The following TRPV4 variants were observed in gnomAD, a reference collection of about 807,000 sequenced individuals.
The protein encoded by TRPV4 is transient receptor potential cation channel subfamily V member 4.
A neutral mutation model predicts 84.1 loss-of-function variants in TRPV4; 58 were observed. The ratio of observed to expected loss-of-function variants is 0.69; its 90% confidence interval spans 0.56 to 0.86. TRPV4 has a LOEUF of 0.86. TRPV4 is among the 40% of genes least tolerant of loss of function. The pLI is 0.00. For synonymous variants in TRPV4, 489 were observed against 500.9 expected, an observed-to-expected ratio of 0.98 and a Z score of 0.32; for missense variants, 879 against 1,181.1, an observed-to-expected ratio of 0.74 and a Z score of 3.75.
rs778014423 is a variant in TRPV4, at chr12:109,786,773, G to T, written c.2273C>A (p.Ser758Tyr). 6.2e-7 allele frequency: 1 copy of T among 1,614,022 alleles called. No individual in the cohort carries two copies. The highest frequency in any genetic ancestry group is 8.5e-7 in the Non-Finnish European group (1 of 1,180,024). Residue 758 changes from serine (S) to tyrosine (Y), a missense_variant, in exon 14 of 16, where the codon TCT becomes TAT. Coordinates refer to ENST00000261740, the MANE Select transcript of TRPV4 (RefSeq NM_021625.5). This position sits in a 1 kb window ranked among gnomAD's most constrained non-coding sequence, Gnocchi z 4.5. ...CTTGCCCACGGTGACCATCTCCCCA[G>T]AGCGGAAGGCCTTCCTCAGGAATAC... Reference protein sequence around the residue: ...FPVFLRKAFRSGEMVTVGKSS... With the variant: ...FPVFLRKAFRYGEMVTVGKSS...
At chr12:109,795,433 G>A (rs1890326285) in intron 7 of TRPV4, among the ~76,000 whole-genome samples, 1 of 152,226 alleles carries the variant, frequency 6.6e-6, no homozygotes, top group South Asian at 2.1e-4. Context: ...CCACAGGGCA[G>A]GGCTAGAAGG....
intron 12 of TRPV4, 21 bp downstream of exon 12, chr12:109,792,342 A>G: frequency 6.2e-7 from 1 of 1,610,152 alleles, no homozygotes; most frequent in Non-Finnish European, 8.5e-7. Flanking sequence ...TGCCAGGACC[A>G]CCTGAGCACC....
chr12:109,787,111 C>T lies in TRPV4; in HGVS notation c.2209-274G>A, dbSNP rs60258652. On this transcript the variant is annotated intron_variant, in intron 13 of 15. Transcript: ENST00000261740. ...CCTCTCAGTGAGGGAGGGGTAGAGA[C>T]TGGGGAGAACAGGGAGCAAATGCCC... is the stretch of plus-strand genomic sequence containing the variant. Among the ~76,000 whole-genome samples, 13,055 of 152,172 alleles carry T rather than the reference C, an allele frequency of 0.086. 776 individuals carry two copies. The highest frequency in any genetic ancestry group is 0.16 in the African/African-American group (6,516 of 41,516).
chr12:109,788,363 G>A (rs747809653), intron 13 of TRPV4, 37 bp downstream of exon 13: 6 of 1,596,294 alleles, frequency 3.8e-6, no homozygotes, highest in Non-Finnish European at 5.1e-6. Context: ...GGACGAGGGT[G>A]GCTGGTAGAG....
rs752330965 is a variant in TRPV4 at position 109,792,445 on chromosome 12, G to A, written c.1825-16C>T. 2.5e-6 allele frequency: 4 copies of A among 1,613,148 alleles called. No individual in the cohort carries two copies. Among genetic ancestry groups the A allele is most frequent in the Non-Finnish European group, 3.4e-6 (4 of 1,179,360 alleles). On this transcript the variant is annotated splice_polypyrimidine_tract_variant and intron_variant, in intron 11 of 15. Transcript: ENST00000261740. ...TGAAGAGAATCTAAAGACCCCAGCG[G>A]GATTATGGAGGCAAAGAGGAGACAC... is the stretch of plus-strand genomic sequence containing the variant.
intron 1 of TRPV4, among the ~76,000 whole-genome samples, chr12:109,826,252 G>A (rs145307774): frequency 1.1e-4 from 16 of 151,784 alleles, no homozygotes; most frequent in East Asian, 7.8e-4. Flanking sequence ...TCCAATGCCC[G>A]GGCTCACGTG....
chr12:109,794,228 G>T, intron 8 of TRPV4, 101 bp downstream of exon 8: 1 of 1,489,748 alleles, frequency 6.7e-7, no homozygotes, highest in Non-Finnish European at 9.2e-7. Context: ...ACCTTCTCCG[G>T]GTCCCCCTAC....
chr12:109,816,077 T>A (rs1891829968), intron 1 of TRPV4, among the ~76,000 whole-genome samples: 1 of 152,238 alleles, frequency 6.6e-6, no homozygotes, highest in African/African-American at 2.4e-5. Context: ...CTCTTGTACA[T>A]CTCACCCTTC....
intron 3 of TRPV4, among the ~76,000 whole-genome samples, chr12:109,804,711 G>A (rs1043350483): frequency 5.9e-5 from 9 of 152,140 alleles, no homozygotes; most frequent in African/African-American, 2.2e-4. Flanking sequence ...TGTCCACCTG[G>A]CGCCCAGCTC....
intron 1 of TRPV4, among the ~76,000 whole-genome samples, chr12:109,827,761 CAT>C (rs1323671343): frequency 6.8e-6 from 1 of 146,708 alleles, no homozygotes. Flanking sequence ...CATATACACA[CAT>C]ACACACATAT....
At position 109,783,628 on chromosome 12, in the gene TRPV4, G is replaced by A. The variant is rs756526036; in HGVS notation, c.2609C>T (p.Pro870Leu). ...YPRKWRTDDA[P>L]L The stretch of plus-strand genomic sequence containing the variant: ...GGGGCTGGGCTGCAGTCCCTAGAGC[G>A]GGGCGTCATCAGTCCTCCACTTGCG... The change falls in exon 16 of 16, where the codon CCG becomes CTG. Residue 870 changes from proline (P) to leucine (L), a missense_variant. Physicochemically the swap from Pro to Leu is moderately conservative, Grantham distance 98 (BLOSUM62 -3). This residue lies in a region of TRPV4 where 242 missense variants were observed against 355.3 expected (regional missense o/e 0.68). Transcript: ENST00000261740. This position sits in a 1 kb window ranked among gnomAD's most constrained non-coding sequence, Gnocchi z 4.6. 46 of 1,613,352 alleles carry A rather than the reference G, an allele frequency of 2.9e-5. No homozygotes were observed. Among genetic ancestry groups the A allele is most frequent in the African/African-American group, 2.0e-4 (15 of 74,946 alleles).
rs927283695 is a variant in TRPV4 at position 109,815,829 on chromosome 12, C to T, written c.-31-1002G>A. 1.3e-5 allele frequency among the ~76,000 whole-genome samples: 2 copies of T among 152,240 alleles called. No individual in the cohort carries two copies. Among genetic ancestry groups the T allele is most frequent in the Admixed American group, 6.5e-5 (1 of 15,290 alleles). ...ATTTCTCAGATGAGGAAGCAGCTTTCAAAGGCAGCAAACAGCTTGCAGGAA... is the reference window on the plus strand; with the variant it reads ...ATTTCTCAGATGAGGAAGCAGCTTTTAAAGGCAGCAAACAGCTTGCAGGAA... On this transcript the variant is annotated intron_variant, in intron 1 of 15. Coordinates refer to ENST00000261740, the MANE Select transcript of TRPV4 (RefSeq NM_021625.5). The surrounding 1 kb of genome is among the most constrained non-coding windows in gnomAD (Gnocchi z 4.1).
chr12:109,820,635 G>A (rs1191489511), intron 1 of TRPV4, among the ~76,000 whole-genome samples: 1 of 146,400 alleles, frequency 6.8e-6, no homozygotes, highest in Non-Finnish European at 1.5e-5. Context: ...CCATTCTTCT[G>A]CTCAGCCTCC....
rs1889473862 is a variant in TRPV4, at chr12:109,783,619, C to T, written c.*2G>A. On this transcript the variant is annotated 3_prime_UTR_variant, in exon 16 of 16. Coordinates refer to ENST00000261740, the MANE Select transcript of TRPV4 (RefSeq NM_021625.5). This position sits in a 1 kb window ranked among gnomAD's most constrained non-coding sequence, Gnocchi z 4.6. ...AGAGAAGCTGGGGCTGGGCTGCAGTCCCTAGAGCGGGGCGTCATCAGTCCT... is the reference window on the plus strand; with the variant it reads ...AGAGAAGCTGGGGCTGGGCTGCAGTTCCTAGAGCGGGGCGTCATCAGTCCT... 6.2e-7 allele frequency: 1 copy of T among 1,612,824 alleles called. No homozygotes were observed. Among genetic ancestry groups the T allele is most frequent in the South Asian group, 1.1e-5 (1 of 90,976 alleles).
At position 109,793,019 on chromosome 12, in the gene TRPV4, T is replaced by C. The variant is rs901351846; in HGVS notation, c.1659-202A>G. Among the ~76,000 whole-genome samples the C allele has an allele frequency of 2.6e-5, 4 of 152,208 alleles. No individual in the cohort carries two copies. Among genetic ancestry groups the C allele is most frequent in the African/African-American group, 9.7e-5 (4 of 41,450 alleles). On this transcript the variant is annotated intron_variant, in intron 10 of 15. Coordinates refer to ENST00000261740, the MANE Select transcript of TRPV4 (RefSeq NM_021625.5). The surrounding 1 kb of genome is among the most constrained non-coding windows in gnomAD (Gnocchi z 4.0). ...CATTCAATTAGCTGGCAATTAATCCTGAGGTCCCACAGGATCCTGAAGTGA... is the reference window on the plus strand; with the variant it reads ...CATTCAATTAGCTGGCAATTAATCCCGAGGTCCCACAGGATCCTGAAGTGA...
At chr12:109,801,737 G>T (rs1281814172) in intron 4 of TRPV4, among the ~76,000 whole-genome samples, 1 of 152,004 alleles carries the variant, frequency 6.6e-6, no homozygotes, top group African/African-American at 2.4e-5. Flanking sequence ...GGGTGAGGTG[G>T]GAGACTCCCT....
chr12:109,819,031 T>A (rs1163988260), intron 1 of TRPV4, among the ~76,000 whole-genome samples: 1 of 151,844 alleles, frequency 6.6e-6, no homozygotes, highest in Non-Finnish European at 1.5e-5. Context: ...ATCACAGCAC[T>A]CAGGAGTGTG....
intron 4 of TRPV4, 126 bp downstream of exon 4, chr12:109,802,865 T>A (rs1890888963): frequency 1.1e-6 from 1 of 932,044 alleles, no homozygotes. Flanking sequence ...CATCCATCCA[T>A]CCATTTGTCA....
At position 109,803,081 on chromosome 12, in the gene TRPV4, C is replaced by T. The variant is rs769445973; in HGVS notation, c.622G>A (p.Asp208Asn). Residue 208 changes from aspartate to asparagine, a missense_variant, in exon 4 of 16, where the codon GAC becomes AAC. Asp to Asn is a conservative substitution (Grantham distance 23). Coordinates refer to ENST00000261740, the MANE Select transcript of TRPV4 (RefSeq NM_021625.5). ...ATGTCCAGCAGCACAGGGATGGTGTCGTTGCGGCCATTGCTCAGGTTCAGC... is the reference window on the plus strand; with the variant it reads ...ATGTCCAGCAGCACAGGGATGGTGTTGTTGCGGCCATTGCTCAGGTTCAGC... ...ALLNLSNGRN[D>N]TIPVLLDIAE... 4.3e-6 allele frequency: 7 copies of T among 1,614,060 alleles called. No homozygotes were observed. Among genetic ancestry groups the T allele is most frequent in the South Asian group, 1.1e-5 (1 of 91,086 alleles).
Sources: allele counts gnomAD v4.1 joint callset (sites outside exome capture counted in the v4.1 genomes callset), GRCh38; gene constraint gnomAD v4.1.1; regional missense constraint gnomAD v4.1.1; non-coding constraint Gnocchi (gnomAD v3.1); transcripts MANE v1.5; gene names NCBI Gene and HGNC (gene_info 2026-07-23, HGNC 2026-07-21).